The following PLXNB1 variants were observed in gnomAD, a reference collection of about 807,000 sequenced individuals.
PLXNB1 encodes the protein plexin B1.
Under a neutral mutation model 209.4 loss-of-function variants are expected in PLXNB1, and 106 were observed. The ratio of observed to expected loss-of-function variants is 0.51; its 90% CI spans 0.43 to 0.59. The LOEUF (loss-of-function observed/expected upper bound fraction) is 0.59, where lower values mean the gene tolerates loss of function less well. PLXNB1 is among the 20% of genes least tolerant of loss of function. PLXNB1 has a pLI of 0.00. For synonymous variants in PLXNB1, 1,167 were observed against 1,183.2 expected (o/e 0.99, Z 0.28); for missense variants, 2,357 against 2,853.2 (o/e 0.83, Z 3.96).
rs757727346 is a variant in PLXNB1, at chr3:48,409,857, ATGC to A, written c.5778+45_5778+47del. 1 of 1,585,292 alleles carries A rather than the reference ATGC, an allele frequency of 6.3e-7. No individual in the cohort carries two copies. The highest frequency in any genetic ancestry group is 8.6e-7 in the Non-Finnish European group (1 of 1,162,146). On this transcript the variant is annotated intron_variant, in intron 32 of 37. Coordinates refer to ENST00000296440, the MANE Select transcript of PLXNB1 (RefSeq NM_001130082.3). This position sits in a 1 kb window ranked among gnomAD's most constrained non-coding sequence, Gnocchi z 5.8. The stretch of plus-strand genomic sequence containing the variant: ...CCACCCCCAAATCCCACGAGTGGCC[ATGC>A]TCCCTCTCAGCCCAGGCCCCACTAC...
intron 1 of PLXNB1, among the ~76,000 whole-genome samples, chr3:48,426,753 A>G (rs1437927940): frequency 6.6e-6 from 1 of 152,184 alleles, no homozygotes; most frequent in Non-Finnish European, 1.5e-5. Context: ...AGCAGGAACA[A>G]GGCTGCCTCT....
rs752734584 is a variant in PLXNB1 at position 48,406,772 on chromosome 3, C to T, written c.6228+51G>A. ...AGGGGCAGTGTGAAGGGGGAAGGACCGTTGTGGCAGGAGGCCTATGCCCAA... is the reference window on the plus strand; with the variant it reads ...AGGGGCAGTGTGAAGGGGGAAGGACTGTTGTGGCAGGAGGCCTATGCCCAA... On this transcript the variant is annotated intron_variant, in intron 36 of 37. Coordinates refer to ENST00000296440, the MANE Select transcript of PLXNB1 (RefSeq NM_001130082.3). This position sits in a 1 kb window ranked among gnomAD's most constrained non-coding sequence, Gnocchi z 4.4. The T allele has an allele frequency of 3.2e-5, 50 of 1,559,534 alleles. No individual in the cohort carries two copies. The highest frequency in any genetic ancestry group is 7.0e-5 in the East Asian group (3 of 42,560).
chr3:48,424,932 C>G (rs557271515), intron 2 of PLXNB1, among the ~76,000 whole-genome samples: 11 of 152,266 alleles, frequency 7.2e-5, no homozygotes, highest in African/African-American at 2.4e-4. Flanking sequence ...AGGCCATGCC[C>G]AGGAAGCAGG....
chr3:48,404,480 G>T lies in PLXNB1; in HGVS notation c.*6C>A. On this transcript the variant is annotated 3_prime_UTR_variant, in exon 38 of 38. Coordinates refer to ENST00000296440, the MANE Select transcript of PLXNB1 (RefSeq NM_001130082.3). ...GAAGCAACAGCAGGCCGTGGCTCCTGGGTTCCTATAGATCTGTGACCTTGT... is the reference window on the plus strand; with the variant it reads ...GAAGCAACAGCAGGCCGTGGCTCCTTGGTTCCTATAGATCTGTGACCTTGT... The T allele has an allele frequency of 1.3e-6, 2 of 1,599,434 alleles. No homozygotes were observed. Among genetic ancestry groups the T allele is most frequent in the Non-Finnish European group, 8.6e-7 (1 of 1,167,980 alleles).
rs768252632 is a variant in PLXNB1, at chr3:48,417,861, C to T, written c.3374+50G>A. 5.6e-5 allele frequency: 88 copies of T among 1,560,540 alleles called. No homozygotes were observed. The highest frequency in any genetic ancestry group is 2.3e-4 in the East Asian group (10 of 44,220). The stretch of plus-strand genomic sequence containing the variant: ...GGAGGCCCCAAGCAGCAACGCCAAC[C>T]GCGGAGGCCCCAGGCTGCGCCGTGC... On this transcript the variant is annotated intron_variant, in intron 16 of 37. Coordinates refer to ENST00000296440, the MANE Select transcript of PLXNB1 (RefSeq NM_001130082.3). This position sits in a 1 kb window ranked among gnomAD's most constrained non-coding sequence, Gnocchi z 4.4.
chr3:48,425,524 TGAG>T (rs567901890), intron 1 of PLXNB1, among the ~76,000 whole-genome samples, 191 bp from the exon 2 acceptor site: 2 of 151,230 alleles, frequency 1.3e-5, no homozygotes, highest in East Asian at 3.9e-4. Flanking sequence ...AGAGCCCACA[TGAG>T]GAGGGGGAGG....
rs1307842177 is a variant in PLXNB1 at position 48,411,523 on chromosome 3, G to A, written c.5247+340C>T. On this transcript the variant is annotated intron_variant, in intron 28 of 37. Coordinates refer to ENST00000296440, the MANE Select transcript of PLXNB1 (RefSeq NM_001130082.3). This position sits in a 1 kb window ranked among gnomAD's most constrained non-coding sequence, Gnocchi z 4.0. ...TGAGGCTGGCTTGGTGGGCAAGGCC[G>A]CATTCCTGGTAGGAGGGCCAGGCAG... Among the ~76,000 whole-genome samples the A allele has an allele frequency of 6.6e-6, 1 of 152,188 alleles. No individual in the cohort carries two copies. The highest frequency in any genetic ancestry group is 1.5e-5 in the Non-Finnish European group (1 of 68,020).
rs1208550731 is a variant in PLXNB1 at position 48,405,825 on chromosome 3, A to G, written c.6229-27T>C. ...TAGGGAAGAGGCCAAATGAAAGGTG[A>G]GAGAGACGAGGGGTGCAGAGAGCCA... On this transcript the variant is annotated intron_variant, in intron 36 of 37. Coordinates refer to ENST00000296440, the MANE Select transcript of PLXNB1 (RefSeq NM_001130082.3). This position sits in a 1 kb window ranked among gnomAD's most constrained non-coding sequence, Gnocchi z 5.0. 1.9e-6 allele frequency: 3 copies of G among 1,596,662 alleles called. No homozygotes were observed. Among genetic ancestry groups the G allele is most frequent in the Non-Finnish European group, 2.6e-6 (3 of 1,165,524 alleles).
chr3:48,427,642 C>T (rs1034521454), intron 1 of PLXNB1, among the ~76,000 whole-genome samples: 2 of 152,228 alleles, frequency 1.3e-5, no homozygotes, highest in Non-Finnish European at 2.9e-5. Flanking sequence ...AGTGCTCCCC[C>T]ACACATGCCC....
Position 48,423,968 on chromosome 3 carries a change from C to G in PLXNB1, c.644G>C (p.Ser215Thr). 1 of 1,613,922 alleles carries G rather than the reference C, an allele frequency of 6.2e-7. No individual in the cohort carries two copies. Among genetic ancestry groups the G allele is most frequent in the Non-Finnish European group, 8.5e-7 (1 of 1,179,964 alleles). The part of the protein sequence containing the change: ...KLAVGRLSEY[S>T]HHFVSAFARG... ...TGCAAAGGCACTCACGAAGTGGTGG[C>G]TGTACTCGGAGAGGCGGCCCACTGC... Residue 215 changes from serine to threonine, a missense_variant, in exon 3 of 38, where the codon AGC (serine) becomes ACC (threonine). Ser to Thr is a moderately conservative substitution (Grantham distance 58, BLOSUM62 1). Coordinates refer to ENST00000296440, the MANE Select transcript of PLXNB1 (RefSeq NM_001130082.3).
chr3:48,420,717 A>G lies in PLXNB1; in HGVS notation c.1976T>C (p.Leu659Pro). The change falls in exon 10 of 38, where the codon CTG becomes CCG. Residue 659 changes from leucine (L) to proline (P), a missense_variant. By Grantham distance (98) the Leu-to-Pro change is moderately conservative (BLOSUM62 -3). Around this residue, in one of 7 missense-constraint regions of PLXNB1, gnomAD observed 214 missense variants for 297.1 expected, o/e 0.72. Transcript: ENST00000296440. ...WGCNWCVWQH[L>P]CTHKASCDAG... ...ATCACACGAGGCCTTGTGGGTGCAC[A>G]GGTGCTGCCAGACACACCAGTTACA... The G allele has an allele frequency of 6.2e-7, 1 of 1,614,100 alleles. No individual in the cohort carries two copies. Among genetic ancestry groups the G allele is most frequent in the Non-Finnish European group, 8.5e-7 (1 of 1,179,976 alleles).
rs2037555518 is a variant in PLXNB1, at chr3:48,409,921, C to T, written c.5762G>A (p.Arg1921His). Residue 1921 changes from arginine to histidine, a missense_variant, in exon 32 of 38, where the codon CGC (arginine) becomes CAC (histidine). Transcript: ENST00000296440. The surrounding 1 kb of genome is among the most constrained non-coding windows in gnomAD (Gnocchi z 5.8). The part of the protein sequence containing the change: ...AKAIPEIYLT[R>H]LLSMKGTLQK... ...CCACCCCACCTTCATGGACAGCAGGCGGGTCAGGTAGATCTCAGGGATGGC... is the reference window on the plus strand; with the variant it reads ...CCACCCCACCTTCATGGACAGCAGGTGGGTCAGGTAGATCTCAGGGATGGC... The T allele has an allele frequency of 3.1e-6, 5 of 1,610,884 alleles. No individual in the cohort carries two copies. Among genetic ancestry groups the T allele is most frequent in the East Asian group, 2.2e-5 (1 of 44,850 alleles).
In PLXNB1 at chr3:48,411,916, A is replaced by G. The variant is rs2037708870; in HGVS notation, c.5194T>C (p.Tyr1732His). ...PVDSVTGKAKYTLNDNRLLRE... is the reference protein window; with the variant it reads ...PVDSVTGKAKHTLNDNRLLRE... ...AGCAGGCGGTTGTCGTTCAAGGTGT[A>G]TTTGGCCTTGCCTGTCACACTGTCC... The change falls in exon 28 of 38, where the codon TAC becomes CAC. Residue 1732 changes from tyrosine to histidine, a missense_variant. Tyr to His is a moderately conservative substitution (Grantham distance 83). Transcript: ENST00000296440. This position sits in a 1 kb window ranked among gnomAD's most constrained non-coding sequence, Gnocchi z 4.0. The G allele has an allele frequency of 1.9e-6, 3 of 1,613,978 alleles. No homozygotes were observed. The highest frequency in any genetic ancestry group is 2.5e-6 in the Non-Finnish European group (3 of 1,180,002).
At chr3:48,421,847 C>G in intron 6 of PLXNB1, 41 bp from the exon 7 acceptor site, 1 of 1,577,076 alleles carries the variant, frequency 6.3e-7, no homozygotes, top group Non-Finnish European at 8.7e-7. Context: ...CCCTCATGGG[C>G]CACTGGGAGT....
rs917875776 is a variant in PLXNB1, at chr3:48,409,068, A to T, written c.6087+261T>A. Among the ~76,000 whole-genome samples, 1 of 152,158 alleles carries T rather than the reference A, an allele frequency of 6.6e-6. No homozygotes were observed. Among genetic ancestry groups the T allele is most frequent in the African/African-American group, 2.4e-5 (1 of 41,418 alleles). On this transcript the variant is annotated intron_variant, in intron 34 of 37. Coordinates refer to ENST00000296440, the MANE Select transcript of PLXNB1 (RefSeq NM_001130082.3). The surrounding 1 kb of genome is among the most constrained non-coding windows in gnomAD (Gnocchi z 5.8). ...GACCAACTGGCCCTGGCCTACTGCCACGCCTGGCCAGCATTCTATGCCCCA... is the reference window on the plus strand; with the variant it reads ...GACCAACTGGCCCTGGCCTACTGCCTCGCCTGGCCAGCATTCTATGCCCCA...
chr3:48,412,500 G>T lies in PLXNB1; in HGVS notation c.4975C>A (p.Leu1659Met). The T allele has an allele frequency of 1.2e-6, 2 of 1,613,688 alleles. No homozygotes were observed. The highest frequency in any genetic ancestry group is 1.7e-6 in the Non-Finnish European group (2 of 1,180,040). The change falls in exon 26 of 38, where the codon CTG (leucine) becomes ATG (methionine). Residue 1659 changes from leucine to methionine, a missense_variant. Leu to Met is a conservative substitution (Grantham distance 15). This residue lies in a region of PLXNB1 where 65 missense variants were observed against 127.6 expected (regional missense o/e 0.51). Transcript: ENST00000296440. ...LEYFTDILRT[L>M]LSDLVAQYVA... ...TACTGGGCAACCAGGTCACTGAGCA[G>T]AGTGCGGAGGATGTCAGTGAAATAC...
intron 27 of PLXNB1, 59 bp from the exon 28 acceptor site, chr3:48,412,068 A>G (rs938431369): frequency 3.8e-6 from 6 of 1,585,716 alleles, no homozygotes; most frequent in African/African-American, 1.3e-5. Flanking sequence ...ATGGGACATG[A>G]CGCACACTGG....
chr3:48,412,339 C>T (rs749674151), intron 26 of PLXNB1, 35 bp from the exon 27 acceptor site: 2 of 1,613,166 alleles, frequency 1.2e-6, no homozygotes, highest in South Asian at 1.1e-5. Flanking sequence ...CCAGGGTCAG[C>T]AGGTGGGGCT....
At position 48,410,977 on chromosome 3, in the gene PLXNB1, C is replaced by G. The variant is rs2037643737; in HGVS notation, c.5307G>C (p.Val1769=). ...PGAGEAQGVP[V]KVLDCDTISQ... ...AGATGGTGTCACAGTCTAGGACCTT[C>G]ACGGGCACGCCCTGGGCCTCTCCTG... The change falls in exon 29 of 38, where the codon GTG becomes GTC. Residue 1769 remains valine, a synonymous_variant. Transcript: ENST00000296440. The surrounding 1 kb of genome is among the most constrained non-coding windows in gnomAD (Gnocchi z 6.4). 1 of 1,613,818 alleles carries G rather than the reference C, an allele frequency of 6.2e-7. No individual in the cohort carries two copies. The highest frequency in any genetic ancestry group is 1.3e-5 in the African/African-American group (1 of 74,932).
Sources: gnomAD v4.1 joint callset for allele counts (sites outside exome capture counted in the v4.1 genomes callset) on GRCh38, gnomAD v4.1.1 for gene constraint, gnomAD v4.1.1 regional missense constraint, Gnocchi (gnomAD v3.1) non-coding constraint, MANE v1.5 for transcripts, NCBI Gene and HGNC (gene_info 2026-07-23, HGNC 2026-07-21) for gene names.